The following ZNF407 variants were observed in gnomAD, a reference collection of about 807,000 sequenced individuals.
The protein encoded by ZNF407 is zinc finger protein 407.
Under a neutral mutation model 131.2 loss-of-function variants are expected in ZNF407, and 17 were observed. The observed-to-expected ratio is 0.13, with a 90% CI of 0.09 to 0.19. The LOEUF is 0.19. Among genes scored for constraint, ZNF407 ranks in the 10% least tolerant of loss-of-function variants. The probability of loss-of-function intolerance (pLI) is 1.00; values close to 1 mark genes in which losing one functional copy is unlikely to be tolerated. For missense variants in ZNF407, 2,681 were observed against 2,830.6 expected, an observed-to-expected ratio of 0.95 and a Z score of 1.20; for synonymous variants, 1,156 against 1,062.0, an observed-to-expected ratio of 1.09 and a Z score of -1.72.
intron 8 of ZNF407, among the ~76,000 whole-genome samples, chr18:74,983,471 G>GT (rs1179516768): frequency 6.8e-6 from 1 of 147,564 alleles, no homozygotes; most frequent in Non-Finnish European, 1.5e-5. Context: ...TATTCTGTGA[G>GT]TTTTTTTCTG....
chr18:74,839,131 G>A (rs1343436921), intron 4 of ZNF407, among the ~76,000 whole-genome samples: 1 of 152,168 alleles, frequency 6.6e-6, no homozygotes, highest in Admixed American at 6.5e-5. Flanking sequence ...GCTGATAAGT[G>A]TAGTTGAGAG....
intron 3 of ZNF407, among the ~76,000 whole-genome samples, chr18:74,771,582 TAAC>T (rs1371984504): frequency 6.6e-6 from 1 of 152,088 alleles, no homozygotes; most frequent in Non-Finnish European, 1.5e-5. Flanking sequence ...TTTTACATGT[TAAC>T]AACAAATTAT....
At chr18:74,903,074 T>A (rs185674390) in intron 7 of ZNF407, among the ~76,000 whole-genome samples, 50 of 152,330 alleles carry the variant, frequency 3.3e-4, no homozygotes, top group African/African-American at 1.1e-3. Context: ...GTGACTTATG[T>A]GACCAGGCCT....
intron 8 of ZNF407, among the ~76,000 whole-genome samples, chr18:75,050,439 A>T (rs185767447): frequency 6.6e-6 from 1 of 152,340 alleles, no homozygotes; most frequent in East Asian, 1.9e-4. Context: ...AGAAGACATG[A>T]GATTCCTGGG....
At chr18:74,705,150 A>ATTTTTTTTTT (rs113918730) in intron 3 of ZNF407, among the ~76,000 whole-genome samples, 1 of 150,504 alleles carries the variant, frequency 6.6e-6, no homozygotes. Flanking sequence ...AGAAAAATAC[A>ATTTTTTTTTT]TTTTTTTTTT....
chr18:74,822,062 A>G (rs1370142896), intron 4 of ZNF407, among the ~76,000 whole-genome samples: 2 of 152,194 alleles, frequency 1.3e-5, no homozygotes, highest in Non-Finnish European at 2.9e-5. Context: ...TTGGCTGCAT[A>G]AATGTCTTCT....
chr18:75,041,868 C>G (rs1386353760), intron 8 of ZNF407, among the ~76,000 whole-genome samples: 2 of 152,188 alleles, frequency 1.3e-5, no homozygotes, highest in African/African-American at 2.4e-5. Context: ...GCGACCGCCT[C>G]CGATGTCACA....
At chr18:74,956,314 G>C (rs538148870) in intron 8 of ZNF407, among the ~76,000 whole-genome samples, 1 of 151,980 alleles carries the variant, frequency 6.6e-6, no homozygotes, top group East Asian at 1.9e-4. Context: ...TGTGGCCCAC[G>C]TGTGCCCACA....
At chr18:74,937,714 C>T (rs1282834701) in intron 8 of ZNF407, among the ~76,000 whole-genome samples, 4 of 152,128 alleles carry the variant, frequency 2.6e-5, no homozygotes, top group Admixed American at 2.6e-4. Flanking sequence ...TTAAATATGT[C>T]TACCATATTT....
At chr18:74,782,621 C>T (rs1030488780) in intron 4 of ZNF407, among the ~76,000 whole-genome samples, 3 of 151,700 alleles carry the variant, frequency 2.0e-5, no homozygotes, top group Admixed American at 1.3e-4. Flanking sequence ...CCTTTCTCCC[C>T]GTTCTCCCCT....
At chr18:74,927,328 A>G (rs180926058) in intron 8 of ZNF407, among the ~76,000 whole-genome samples, 91 of 152,366 alleles carry the variant, frequency 6.0e-4, no homozygotes, top group African/African-American at 2.1e-3. Context: ...ATTGATTGGC[A>G]GGTTAATGAA....
chr18:75,047,627 T>G (rs1973450851), intron 8 of ZNF407, among the ~76,000 whole-genome samples: 1 of 152,266 alleles, frequency 6.6e-6, no homozygotes, highest in Non-Finnish European at 1.5e-5. Flanking sequence ...GTAATACTTT[T>G]CAAAGCCTAG....
chr18:75,025,798 G>A (rs139971725), intron 8 of ZNF407, among the ~76,000 whole-genome samples: 8 of 152,294 alleles, frequency 5.3e-5, no homozygotes, highest in East Asian at 1.9e-4. Context: ...CCCTTTGAAC[G>A]TAGTAATTAG....
rs771473487 is a variant in ZNF407 at position 74,634,793 on chromosome 18, C to T, written c.3774C>T (p.Arg1258=). The T allele has an allele frequency of 3.1e-6, 5 of 1,614,020 alleles. No homozygotes were observed. The highest frequency in any genetic ancestry group is 1.3e-5 in the African/African-American group (1 of 75,064). The change falls in exon 2 of 9, where the codon CGC becomes CGT. Residue 1258 remains arginine, a synonymous_variant. Coordinates refer to ENST00000299687, the MANE Select transcript of ZNF407 (RefSeq NM_017757.3). ...GCCCTGTGACGCTCGATGGGGAGCG[C>T]TCGGCTGAAAGCCCTGTGCTCGTTG... ...HLCPVTLDGE[R]SAESPVLVVT...
intron 4 of ZNF407, among the ~76,000 whole-genome samples, chr18:74,786,279 A>T (rs537598747): frequency 6.6e-6 from 1 of 152,102 alleles, no homozygotes; most frequent in African/African-American, 2.4e-5. Flanking sequence ...GAAATGGGTG[A>T]TTTATTCTAA....
chr18:74,941,962 G>A (rs981818056), intron 8 of ZNF407, among the ~76,000 whole-genome samples: 5 of 152,106 alleles, frequency 3.3e-5, no homozygotes, highest in Admixed American at 2.0e-4. Context: ...GAATAAAATC[G>A]GTTAGACTAA....
intron 4 of ZNF407, among the ~76,000 whole-genome samples, chr18:74,865,942 A>G (rs1266779940): frequency 6.6e-6 from 1 of 152,232 alleles, no homozygotes; most frequent in East Asian, 1.9e-4. Context: ...CATGTGTCAG[A>G]AACAGTGAAA....
intron 8 of ZNF407, among the ~76,000 whole-genome samples, chr18:75,001,559 T>C (rs1239536251): frequency 6.6e-6 from 1 of 152,126 alleles, no homozygotes; most frequent in Admixed American, 6.5e-5. Flanking sequence ...GAAATAAACA[T>C]AGAACCATAG....
At chr18:74,997,231 C>T (rs576091419) in intron 8 of ZNF407, among the ~76,000 whole-genome samples, 7 of 152,310 alleles carry the variant, frequency 4.6e-5, no homozygotes, top group African/African-American at 1.7e-4. Context: ...AAATCGATTT[C>T]TGCTTGAATG....
Sources: gnomAD v4.1 joint callset for allele counts (sites outside exome capture counted in the v4.1 genomes callset) on GRCh38, gnomAD v4.1.1 for gene constraint, MANE v1.5 for transcripts, NCBI Gene and HGNC (gene_info 2026-07-23, HGNC 2026-07-21) for gene names.